The following IGSF21 variants were observed in gnomAD, a reference collection of about 807,000 sequenced individuals.
IGSF21 encodes the protein immunoglobin superfamily member 21, also known as immunoglobulin superfamily member 21.
A neutral mutation model predicts 46.8 loss-of-function variants in IGSF21; 28 were observed. That is an observed-to-expected ratio of 0.60 (90% CI 0.44 to 0.82). IGSF21 has a LOEUF of 0.82. IGSF21 is among the 40% of genes least tolerant of loss of function. The pLI is 0.00. For missense variants in IGSF21, 624 were observed against 665.5 expected, an observed-to-expected ratio of 0.94 and a Z score of 0.69; for synonymous variants, 284 against 273.6, an observed-to-expected ratio of 1.04 and a Z score of -0.38.
At chr1:18,260,211 C>T (rs919019828) in intron 2 of IGSF21, among the ~76,000 whole-genome samples, 4 of 152,172 alleles carry the variant, frequency 2.6e-5, no homozygotes, top group African/African-American at 4.8e-5. Flanking sequence ...GAGGATGGTC[C>T]GAGGAGAGTG....
At position 18,291,957 on chromosome 1, in the gene IGSF21, G is replaced by C; in HGVS notation, c.275G>C (p.Arg92Pro). The C allele has an allele frequency of 6.2e-7, 1 of 1,613,996 alleles. No homozygotes were observed. Among genetic ancestry groups the C allele is most frequent in the South Asian group, 1.1e-5 (1 of 91,044 alleles). Residue 92 changes from arginine (R) to proline (P), a missense_variant, in exon 3 of 10, where the codon CGA becomes CCA. Coordinates refer to ENST00000251296, the MANE Select transcript of IGSF21 (RefSeq NM_032880.5). ...NYSHMENYRK[R>P]EDLVYQSTVR... is the part of the protein sequence containing the mutation. ...TCACACATGGAGAACTACCGCAAGC[G>C]AGAGGACCTGGTGTACCAGTCCACT...
At chr1:18,253,259 G>C (rs1230085984) in intron 2 of IGSF21, among the ~76,000 whole-genome samples, 1 of 152,202 alleles carries the variant, frequency 6.6e-6, no homozygotes, top group Non-Finnish European at 1.5e-5. Flanking sequence ...GGGCCAGGGG[G>C]GGCCTCAGCA....
intron 1 of IGSF21, among the ~76,000 whole-genome samples, chr1:18,225,089 A>T (rs199960936): frequency 0.032 from 961 of 30,322 alleles, 11 homozygotes; most frequent in South Asian, 0.16. Context: ...TCTCTCTCAC[A>T]CACACACACA....
chr1:18,304,115 G>A (rs1384247469), intron 3 of IGSF21, among the ~76,000 whole-genome samples: 1 of 152,132 alleles, frequency 6.6e-6, no homozygotes, highest in African/African-American at 2.4e-5. Flanking sequence ...GCTGGAAGGG[G>A]GACACCAGAA....
chr1:18,229,930 CA>C (rs2124508390), intron 2 of IGSF21, among the ~76,000 whole-genome samples: 1 of 152,310 alleles, frequency 6.6e-6, no homozygotes, highest in South Asian at 2.1e-4. Context: ...TGGTGAAAGA[CA>C]GATAGAAATA....
In IGSF21 at chr1:18,223,601, C is replaced by T. The variant is rs528101758; in HGVS notation, c.71-4297C>T. Among the ~76,000 whole-genome samples, 135 of 152,294 alleles carry T rather than the reference C, an allele frequency of 8.9e-4. 3 individuals carry two copies. Among genetic ancestry groups the T allele is most frequent in the African/African-American group, 2.7e-3 (112 of 41,562 alleles). ...GACCCAAACTGCCTGTGCCCATGAA[C>T]GCTCAGAATGCATCGCTTATTGTAT... On this transcript the variant is annotated intron_variant, in intron 1 of 9. Transcript: ENST00000251296.
chr1:18,346,477 G>T (rs1046096166), intron 4 of IGSF21, among the ~76,000 whole-genome samples: 1 of 152,094 alleles, frequency 6.6e-6, no homozygotes, highest in Non-Finnish European at 1.5e-5. Context: ...GAACAGAGAC[G>T]ATAGGAGCCA....
chr1:18,271,738 T>A (rs1302764470), intron 2 of IGSF21, among the ~76,000 whole-genome samples: 6 of 152,216 alleles, frequency 3.9e-5, no homozygotes, highest in Non-Finnish European at 5.9e-5. Context: ...CAAACCCACC[T>A]GTGCCACTTC....
chr1:18,374,884 G>A (rs1257109842), intron 6 of IGSF21, among the ~76,000 whole-genome samples: 6 of 152,108 alleles, frequency 3.9e-5, no homozygotes, highest in Non-Finnish European at 8.8e-5. Flanking sequence ...ACACAGAGTA[G>A]CACAAAGCAT....
chr1:18,211,856 A>C (rs372248759), intron 1 of IGSF21, among the ~76,000 whole-genome samples: 1 of 152,162 alleles, frequency 6.6e-6, no homozygotes, highest in Non-Finnish European at 1.5e-5. Context: ...GATTCTGAGT[A>C]ATGTTGGAGG....
intron 2 of IGSF21, among the ~76,000 whole-genome samples, chr1:18,228,364 A>G (rs1030421325): frequency 1.3e-5 from 2 of 152,212 alleles, no homozygotes; most frequent in African/African-American, 2.4e-5. Flanking sequence ...GGCTTCGGAT[A>G]ATGTTTTTGG....
chr1:18,228,503 G>C (rs138000311), intron 2 of IGSF21, among the ~76,000 whole-genome samples: 1 of 152,134 alleles, frequency 6.6e-6, no homozygotes. Context: ...AAGGGAATTG[G>C]TTAGAGATGA....
intron 2 of IGSF21, among the ~76,000 whole-genome samples, chr1:18,267,549 G>A (rs1177419560): frequency 2.0e-5 from 3 of 152,216 alleles, no homozygotes; most frequent in Non-Finnish European, 4.4e-5. Context: ...GAGGGAGAGT[G>A]GAAAGAGGTT....
At chr1:18,274,432 A>T (rs1049757133) in intron 2 of IGSF21, among the ~76,000 whole-genome samples, 2 of 152,266 alleles carry the variant, frequency 1.3e-5, no homozygotes, top group Non-Finnish European at 2.9e-5. Context: ...AGACAGGTAG[A>T]TGAGGAAAAG....
At chr1:18,125,854 T>C (rs1252159422) in intron 1 of IGSF21, among the ~76,000 whole-genome samples, 1 of 152,228 alleles carries the variant, frequency 6.6e-6, no homozygotes, top group African/African-American at 2.4e-5. Flanking sequence ...GGGGCCCTAT[T>C]GATGGAATAT....
At chr1:18,220,601 G>A (rs1192121450) in intron 1 of IGSF21, among the ~76,000 whole-genome samples, 1 of 152,096 alleles carries the variant, frequency 6.6e-6, no homozygotes, top group East Asian at 1.9e-4. Context: ...GTTGAGGTGA[G>A]CATACCCTGA....
intron 2 of IGSF21, among the ~76,000 whole-genome samples, chr1:18,269,582 C>T (rs1360283291): frequency 6.6e-6 from 1 of 152,152 alleles, no homozygotes; most frequent in Non-Finnish European, 1.5e-5. Flanking sequence ...TGTCTGGGAG[C>T]TCCATAAGAG....
intron 4 of IGSF21, among the ~76,000 whole-genome samples, chr1:18,350,935 G>A (rs970397298): frequency 2.6e-5 from 4 of 151,916 alleles, no homozygotes; most frequent in African/African-American, 9.7e-5. Flanking sequence ...TGGCCCAGTG[G>A]TGCTGGGAGT....
chr1:18,162,587 CG>C (rs1557564694), intron 1 of IGSF21, among the ~76,000 whole-genome samples: 1 of 152,104 alleles, frequency 6.6e-6, no homozygotes, highest in Non-Finnish European at 1.5e-5. Context: ...GTTCTGAGCA[CG>C]TTTCAGGTCA....
Sources: allele counts gnomAD v4.1 joint callset (sites outside exome capture counted in the v4.1 genomes callset), GRCh38; gene constraint gnomAD v4.1.1; transcripts MANE v1.5; gene names NCBI Gene and HGNC (gene_info 2026-07-23, HGNC 2026-07-21).